AKT2: variants seen among roughly 807,000 people sequenced by gnomAD.
The protein encoded by AKT2 is RAC-beta serine/threonine-protein kinase.
In AKT2, 16 loss-of-function variants were observed where a neutral mutation model predicts 58.6. That is an observed-to-expected ratio of 0.27 (90% CI 0.18 to 0.41). AKT2 has a LOEUF of 0.41. Ranked by LOEUF, AKT2 falls within the 10% of genes least tolerant of loss-of-function variation. AKT2 has a pLI of 1.00. For missense variants in AKT2, 438 were observed against 661.0 expected (o/e 0.66, Z 3.70); for synonymous variants, 253 against 254.0 (o/e 1.00, Z 0.04).
intron 2 of AKT2, among the ~76,000 whole-genome samples, chr19:40,257,586 AACACACACAC>A (rs59835118): frequency 6.8e-5 from 10 of 146,124 alleles, no homozygotes; most frequent in African/African-American, 2.3e-4. Flanking sequence ...TATGCACACA[AACACACACAC>A]ACACACACAC....
intron 1 of AKT2, chr19:40,274,284 G>C (rs2077269795): frequency 1.3e-5 from 2 of 152,858 alleles, no homozygotes; most frequent in Non-Finnish European, 2.9e-5. Flanking sequence ...CACAGGGATG[G>C]GCCCATAACT....
At chr19:40,279,272 A>T (rs1054267418) in intron 1 of AKT2, 5 of 152,404 alleles carry the variant, frequency 3.3e-5, no homozygotes, top group African/African-American at 1.2e-4. Context: ...CCGAGTTGGC[A>T]GTGGGTCCTG....
intron 4 of AKT2, among the ~76,000 whole-genome samples, chr19:40,253,207 C>T (rs1178178957): frequency 6.6e-6 from 1 of 152,192 alleles, no homozygotes; most frequent in African/African-American, 2.4e-5. Context: ...CAGGTGCCTA[C>T]TGGACAGTGC....
chr19:40,241,800 C>G, intron 6 of AKT2, 138 bp downstream of exon 6: 3 of 1,362,592 alleles, frequency 2.2e-6, no homozygotes, highest in Non-Finnish European at 3.0e-6. Flanking sequence ...CAGGCTCCCC[C>G]TTTTCTGACT....
intron 4 of AKT2, among the ~76,000 whole-genome samples, chr19:40,252,623 T>G (rs1975242890): frequency 6.6e-6 from 1 of 152,160 alleles, no homozygotes; most frequent in African/African-American, 2.4e-5. Context: ...GTCCAAGGCC[T>G]TGGCTGAGCT....
chr19:40,238,991 C>G lies in AKT2; in HGVS notation c.640-18G>C. 6.2e-7 allele frequency: 1 copy of G among 1,613,072 alleles called. No homozygotes were observed. The highest frequency in any genetic ancestry group is 8.5e-7 in the Non-Finnish European group (1 of 1,179,356). On this transcript the variant is annotated intron_variant, in intron 7 of 13. Transcript: ENST00000392038. The surrounding 1 kb of genome is among the most constrained non-coding windows in gnomAD (Gnocchi z 5.1). ...TTCAGCGCCTGGGGGATGAAGGCAG[C>G]AGGGTGGGAGGTGGGAGGGAGGAGG... is the stretch of plus-strand genomic sequence containing the variant.
intron 1 of AKT2, among the ~76,000 whole-genome samples, chr19:40,277,564 G>A (rs1385250113): frequency 6.6e-6 from 1 of 152,074 alleles, no homozygotes; most frequent in Non-Finnish European, 1.5e-5. Context: ...CTGCCACCCT[G>A]CTCTCTCCCC....
chr19:40,266,783 C>T (rs948974554), intron 1 of AKT2, among the ~76,000 whole-genome samples: 2 of 152,114 alleles, frequency 1.3e-5, no homozygotes, highest in African/African-American at 4.8e-5. Flanking sequence ...TGTCTCACGA[C>T]CTAATTTTTT....
chr19:40,239,879 C>T (rs1443049324), intron 7 of AKT2, 166 bp downstream of exon 7: 19 of 829,168 alleles, frequency 2.3e-5, no homozygotes, highest in Non-Finnish European at 3.3e-5. Flanking sequence ...CTGCTCACCC[C>T]CACCACATGT....
Position 40,238,783 on chromosome 19 carries a change from G to A in AKT2, c.708+122C>T. The A allele has an allele frequency of 9.4e-7, 1 of 1,058,568 alleles. No homozygotes were observed. Among genetic ancestry groups the A allele is most frequent in the South Asian group, 1.3e-5 (1 of 79,160 alleles). The allele number at this position is 1,058,568 out of a possible 1,614,324, so 65.6% of individuals were successfully genotyped here. On this transcript the variant is annotated intron_variant, in intron 8 of 13. Transcript: ENST00000392038. This position sits in a 1 kb window ranked among gnomAD's most constrained non-coding sequence, Gnocchi z 5.1. ...ACGAAGCCGCCTGCCTCAAGGGAGA[G>A]GGGCACTAGATGACACTGAAATTTC...
At chr19:40,244,875 C>T (rs1974650983) in intron 4 of AKT2, among the ~76,000 whole-genome samples, 1 of 152,202 alleles carries the variant, frequency 6.6e-6, no homozygotes, top group South Asian at 2.1e-4. Flanking sequence ...GCCGGGACAC[C>T]CTGCTGGGCT....
intron 2 of AKT2, among the ~76,000 whole-genome samples, chr19:40,258,820 CA>C (rs1975738546): frequency 6.6e-6 from 1 of 152,070 alleles, no homozygotes; most frequent in Admixed American, 6.6e-5. Context: ...GTTAAGATGG[CA>C]ATACTACCCA....
chr19:40,259,152 A>T (rs191799390), intron 2 of AKT2, among the ~76,000 whole-genome samples: 18 of 152,222 alleles, frequency 1.2e-4, no homozygotes, highest in African/African-American at 4.3e-4. Context: ...TCAATGGGGA[A>T]AGAACAGTTT....
At chr19:40,266,742 T>C (rs1349976471) in intron 1 of AKT2, among the ~76,000 whole-genome samples, 1 of 152,208 alleles carries the variant, frequency 6.6e-6, no homozygotes, top group African/African-American at 2.4e-5. Flanking sequence ...CCTAGGAGTT[T>C]GAGACCTGCC....
In AKT2 at chr19:40,238,684, A is replaced by G. The variant is rs969238498; in HGVS notation, c.708+221T>C. On this transcript the variant is annotated intron_variant, in intron 8 of 13. Coordinates refer to ENST00000392038, the MANE Select transcript of AKT2 (RefSeq NM_001626.6). This position sits in a 1 kb window ranked among gnomAD's most constrained non-coding sequence, Gnocchi z 5.1. ...GGACTGGTTTGGACCTGACCCACCC[A>G]CTCACTAGCTGTGTAAACTTGGGCA... 6.6e-6 allele frequency among the ~76,000 whole-genome samples: 1 copy of G among 151,724 alleles called. No homozygotes were observed. The highest frequency in any genetic ancestry group is 1.5e-5 in the Non-Finnish European group (1 of 67,948).
At chr19:40,250,409 G>A (rs113394595) in intron 4 of AKT2, among the ~76,000 whole-genome samples, 4 of 152,010 alleles carry the variant, frequency 2.6e-5, no homozygotes, top group African/African-American at 7.3e-5. Flanking sequence ...AGGCTGAGGC[G>A]TGAGAATCAC....
chr19:40,253,469 A>G (rs1299965217), intron 4 of AKT2, among the ~76,000 whole-genome samples: 1 of 152,198 alleles, frequency 6.6e-6, no homozygotes, highest in African/African-American at 2.4e-5. Context: ...TAGACAATAT[A>G]GACACTTCAG....
At position 40,238,896 on chromosome 19, in the gene AKT2, G is replaced by T. The variant is rs377332467; in HGVS notation, c.708+9C>A. 1.2e-6 allele frequency: 2 copies of T among 1,614,010 alleles called. No individual in the cohort carries two copies. Among genetic ancestry groups the T allele is most frequent in the Non-Finnish European group, 1.7e-6 (2 of 1,179,992 alleles). Reference sequence around the variant, plus strand: ...CCCAGAGGGCAAAGTCAAGGCAGCCGCGGCTCACCTCACCCCCGTTGGCAT... The same window carrying T: ...CCCAGAGGGCAAAGTCAAGGCAGCCTCGGCTCACCTCACCCCCGTTGGCAT... On this transcript the variant is annotated intron_variant, in intron 8 of 13. Transcript: ENST00000392038. The surrounding 1 kb of genome is among the most constrained non-coding windows in gnomAD (Gnocchi z 5.1).
chr19:40,238,886 C>A lies in AKT2; in HGVS notation c.708+19G>T, dbSNP rs1437368272. On this transcript the variant is annotated intron_variant, in intron 8 of 13. Coordinates refer to ENST00000392038, the MANE Select transcript of AKT2 (RefSeq NM_001626.6). This position sits in a 1 kb window ranked among gnomAD's most constrained non-coding sequence, Gnocchi z 5.1. ...AGAAGGAGGCCCCAGAGGGCAAAGT[C>A]AAGGCAGCCGCGGCTCACCTCACCC... The A allele has an allele frequency of 6.2e-7, 1 of 1,613,956 alleles. No individual in the cohort carries two copies. Among genetic ancestry groups the A allele is most frequent in the Admixed American group, 1.7e-5 (1 of 60,032 alleles).
Sources: allele counts gnomAD v4.1 joint callset (sites outside exome capture counted in the v4.1 genomes callset), GRCh38; gene constraint gnomAD v4.1.1; non-coding constraint Gnocchi (gnomAD v3.1); transcripts MANE v1.5; gene names NCBI Gene and HGNC (gene_info 2026-07-23, HGNC 2026-07-21).